Variants in AGBL4 observed in about 807,000 individuals in gnomAD.
The protein encoded by AGBL4 is cytosolic carboxypeptidase 6.
Under a neutral mutation model 66.4 loss-of-function variants are expected in AGBL4, and 58 were observed. That is an observed-to-expected ratio of 0.87 (90% CI 0.71 to 1.09). The LOEUF is 1.09. Ranked by LOEUF, AGBL4 falls within the 50% of genes least tolerant of loss-of-function variation. AGBL4 has a pLI of 0.00. For synonymous variants in AGBL4, 234 were observed against 222.9 expected, an observed-to-expected ratio of 1.05 and a Z score of -0.44; for missense variants, 579 against 631.0, an observed-to-expected ratio of 0.92 and a Z score of 0.88.
intron 3 of AGBL4, among the ~76,000 whole-genome samples, chr1:49,401,318 T>C (rs1207762960): frequency 6.6e-6 from 1 of 152,158 alleles, no homozygotes; most frequent in Non-Finnish European, 1.5e-5. Context: ...CCTCTGTGAT[T>C]CAATTGTCTC....
chr1:49,757,311 T>C (rs1234862637), intron 2 of AGBL4, among the ~76,000 whole-genome samples: 1 of 152,224 alleles, frequency 6.6e-6, no homozygotes, highest in African/African-American at 2.4e-5. Flanking sequence ...TGTATGTCAG[T>C]ATAGCAGTGT....
Position 49,779,681 on chromosome 1 carries a change from C to T in AGBL4, c.157+71715G>A, listed in dbSNP as rs578216553. Among the ~76,000 whole-genome samples, 7 of 152,194 alleles carry T rather than the reference C, an allele frequency of 4.6e-5. No homozygotes were observed. The East Asian group carries it at 5.8e-4, about 13-fold the overall frequency. ...AGTCCCTGAAACTCCTTCCCCAAAA[C>T]GTAAATTAGCTGTGCATCAAGTCTG... is the stretch of plus-strand genomic sequence containing the variant. On this transcript the variant is annotated intron_variant, in intron 2 of 13. Coordinates refer to ENST00000371839, the MANE Select transcript of AGBL4 (RefSeq NM_032785.4).
chr1:48,648,343 A>G (rs1645872016), intron 8 of AGBL4, among the ~76,000 whole-genome samples: 1 of 152,182 alleles, frequency 6.6e-6, no homozygotes. Context: ...GGCTTATTAC[A>G]TTAGCATAAT....
intron 5 of AGBL4, among the ~76,000 whole-genome samples, chr1:48,916,377 T>C (rs1051477783): frequency 6.6e-6 from 1 of 152,176 alleles, no homozygotes; most frequent in Admixed American, 6.5e-5. Flanking sequence ...ACTCACTTTG[T>C]TATGCTGCAG....
chr1:49,767,181 C>T (rs1318986005), intron 2 of AGBL4, among the ~76,000 whole-genome samples: 1 of 151,998 alleles, frequency 6.6e-6, no homozygotes, highest in African/African-American at 2.4e-5. Flanking sequence ...ACTGAATATA[C>T]TCTAAGATCA....
intron 1 of AGBL4, among the ~76,000 whole-genome samples, chr1:49,979,575 T>G (rs960757821): frequency 1.3e-5 from 2 of 152,108 alleles, no homozygotes; most frequent in Non-Finnish European, 2.9e-5. Context: ...CTGCATAAAA[T>G]TAACAGTAGT....
intron 6 of AGBL4, among the ~76,000 whole-genome samples, chr1:48,709,643 C>G (rs1646934337): frequency 7.2e-6 from 1 of 139,428 alleles, no homozygotes; most frequent in African/African-American, 2.6e-5. Flanking sequence ...GCTCTGTCAC[C>G]CAGGCTGGAG....
chr1:49,851,245 T>G (rs555367268), intron 2 of AGBL4, 151 bp downstream of exon 2: 8 of 806,736 alleles, frequency 9.9e-6, no homozygotes, highest in Non-Finnish European at 1.4e-5. Flanking sequence ...CCCAAGTTAG[T>G]TCCTTCAAAA....
intron 3 of AGBL4, among the ~76,000 whole-genome samples, chr1:49,648,960 C>A (rs1645947491): frequency 6.6e-6 from 1 of 152,064 alleles, no homozygotes; most frequent in Admixed American, 6.6e-5. Flanking sequence ...TCTCATTCTT[C>A]ATTGACCTAA....
At chr1:48,917,744 G>T (rs1653717064) in intron 5 of AGBL4, among the ~76,000 whole-genome samples, 1 of 152,304 alleles carries the variant, frequency 6.6e-6, no homozygotes. Flanking sequence ...GGCTCAGAGA[G>T]GTGAAATGAC....
chr1:49,981,551 TATAA>T (rs1659058538), intron 1 of AGBL4, among the ~76,000 whole-genome samples: 1 of 151,898 alleles, frequency 6.6e-6, no homozygotes, highest in Non-Finnish European at 1.5e-5. Flanking sequence ...TATATATGTA[TATAA>T]ATATATATAT....
chr1:49,878,644 G>C (rs1647106868), intron 1 of AGBL4, among the ~76,000 whole-genome samples: 1 of 151,946 alleles, frequency 6.6e-6, no homozygotes, highest in South Asian at 2.1e-4. Flanking sequence ...CTGTTGATTT[G>C]GGGTGGAGAG....
intron 5 of AGBL4, among the ~76,000 whole-genome samples, chr1:48,993,151 G>C (rs141585485): frequency 1.1e-4 from 16 of 152,294 alleles, no homozygotes; most frequent in Admixed American, 3.3e-4. Flanking sequence ...TGTATGACCT[G>C]ACTATCACTG....
chr1:48,532,059 C>T (rs1643909558), downstream of AGBL4, among the ~76,000 whole-genome samples: 1 of 152,170 alleles, frequency 6.6e-6, no homozygotes, highest in South Asian at 2.1e-4. Context: ...GTTGGGATTA[C>T]AGGTGTGAGC....
intron 3 of AGBL4, among the ~76,000 whole-genome samples, chr1:49,360,156 T>G (rs1193329689): frequency 6.6e-6 from 1 of 152,188 alleles, no homozygotes; most frequent in Non-Finnish European, 1.5e-5. Flanking sequence ...CATCAGTTTT[T>G]AAATCATTCC....
chr1:48,612,904 C>T (rs967987766), intron 9 of AGBL4, among the ~76,000 whole-genome samples: 34 of 152,186 alleles, frequency 2.2e-4, no homozygotes, highest in Non-Finnish European at 3.4e-4. Flanking sequence ...GAGGCCAAGG[C>T]GGGCGGATCA....
Position 49,948,564 on chromosome 1 carries a change from A to AAT in AGBL4, c.34+75197_34+75198dup, listed in dbSNP as rs71059566. 6.8e-3 allele frequency among the ~76,000 whole-genome samples: 438 copies of AAT among 64,576 alleles called. 4 individuals carry two copies. Among genetic ancestry groups the AAT allele is most frequent in the African/African-American group, 0.016 (411 of 25,676 alleles). The allele number at this position is 64,576 out of a possible 152,430, so 42.4% of individuals were successfully genotyped here. ...ATATAAATATATATAAATATATAAAAATATATATATATATATATAGAGAGA... is the reference window on the plus strand; with the variant it reads ...ATATAAATATATATAAATATATAAAAATATATATATATATATATATAGAGAGA... On this transcript the variant is annotated intron_variant, in intron 1 of 13. Transcript: ENST00000371839.
At chr1:49,240,053 T>C (rs1651097198) in intron 4 of AGBL4, among the ~76,000 whole-genome samples, 1 of 151,996 alleles carries the variant, frequency 6.6e-6, no homozygotes, top group African/African-American at 2.4e-5. Flanking sequence ...TAAATTTTTG[T>C]TTTTAATAAT....
At chr1:48,573,755 C>A (rs1644605867) in intron 11 of AGBL4, among the ~76,000 whole-genome samples, 1 of 152,092 alleles carries the variant, frequency 6.6e-6, no homozygotes, top group Non-Finnish European at 1.5e-5. Context: ...TTCTGATAAC[C>A]TAGGAATTTA....
Sources: allele counts gnomAD v4.1 joint callset (sites outside exome capture counted in the v4.1 genomes callset), GRCh38; gene constraint gnomAD v4.1.1; transcripts MANE v1.5; gene names NCBI Gene and HGNC (gene_info 2026-07-23, HGNC 2026-07-21).